EHD4: variants seen among roughly 807,000 people sequenced by gnomAD.
EHD4 encodes EH domain containing 4.
EHD4 carries 37 observed loss-of-function variants against 51.0 expected under a neutral mutation model. The ratio of observed to expected loss-of-function variants is 0.73; its 90% confidence interval spans 0.56 to 0.95. The LOEUF (loss-of-function observed/expected upper bound fraction) is 0.95. EHD4 is among the 40% of genes least tolerant of loss of function. EHD4 has a pLI of 0.00. For synonymous variants in EHD4, 297 were observed against 317.3 expected, an observed-to-expected ratio of 0.94 and a Z score of 0.68; for missense variants, 632 against 733.1, an observed-to-expected ratio of 0.86 and a Z score of 1.59.
chr15:41,924,346 C>A (rs1454526758), intron 3 of EHD4, among the ~76,000 whole-genome samples: 1 of 152,236 alleles, frequency 6.6e-6, no homozygotes, highest in African/African-American at 2.4e-5. Flanking sequence ...GGCTCCATCA[C>A]TTACTAATTC....
intron 4 of EHD4, among the ~76,000 whole-genome samples, chr15:41,918,767 C>T (rs929850722): frequency 6.6e-6 from 1 of 152,240 alleles, no homozygotes; most frequent in South Asian, 2.1e-4. Flanking sequence ...CTTTGGTGCA[C>T]GGGGACTAGC....
At chr15:41,916,095 C>T (rs563601184) in intron 4 of EHD4, among the ~76,000 whole-genome samples, 1 of 152,214 alleles carries the variant, frequency 6.6e-6, no homozygotes, top group Non-Finnish European at 1.5e-5. Flanking sequence ...CTCCACAACC[C>T]AACTCAGACT....
At chr15:41,935,920 A>C (rs969792239) in intron 3 of EHD4, among the ~76,000 whole-genome samples, 1 of 152,154 alleles carries the variant, frequency 6.6e-6, no homozygotes, top group Admixed American at 6.5e-5. Context: ...CTTTACTCAC[A>C]TCTCAGCTGG....
intron 3 of EHD4, among the ~76,000 whole-genome samples, chr15:41,932,458 G>A (rs1027236136): frequency 6.6e-5 from 10 of 152,176 alleles, no homozygotes; most frequent in African/African-American, 2.4e-4. Context: ...GCTTCAGAAA[G>A]GTGAAACGCT....
At chr15:41,928,799 G>C (rs781603982) in intron 3 of EHD4, 2 of 152,144 alleles carry the variant, frequency 1.3e-5, no homozygotes, top group Non-Finnish European at 2.9e-5. Flanking sequence ...CCCAATCAGC[G>C]GGAGCAATGG....
intron 5 of EHD4, 30 bp from the exon 6 acceptor site, chr15:41,901,211 A>T (rs574431521): frequency 1.1e-5 from 17 of 1,518,020 alleles, no homozygotes; most frequent in Non-Finnish European, 1.5e-5. Context: ...AGGATGGGTT[A>T]CATGTGGTCT....
intron 5 of EHD4, chr15:41,908,121 C>T (rs923324813): frequency 6.6e-6 from 1 of 152,142 alleles, no homozygotes; most frequent in Non-Finnish European, 1.5e-5. Flanking sequence ...CTGCATCCGC[C>T]TCCCAAAGTG....
At chr15:41,958,983 C>A (rs1668591) in intron 1 of EHD4, among the ~76,000 whole-genome samples, 1 of 152,146 alleles carries the variant, frequency 6.6e-6, no homozygotes, top group African/African-American at 2.4e-5. Context: ...TTTACAGGAA[C>A]GTGTCCTGTG....
At chr15:41,911,188 A>G (rs1368068259) in intron 4 of EHD4, among the ~76,000 whole-genome samples, 1 of 152,252 alleles carries the variant, frequency 6.6e-6, no homozygotes, top group Non-Finnish European at 1.5e-5. Flanking sequence ...GACAATGTCA[A>G]CTTCCCATCT....
At chr15:41,922,090 A>G (rs1002972344) in intron 3 of EHD4, among the ~76,000 whole-genome samples, 1 of 152,170 alleles carries the variant, frequency 6.6e-6, no homozygotes, top group African/African-American at 2.4e-5. Flanking sequence ...TTGGTTTGCT[A>G]TTGAAAGTGA....
chr15:41,958,576 GA>G (rs1332728582), intron 1 of EHD4, among the ~76,000 whole-genome samples: 2 of 151,246 alleles, frequency 1.3e-5, no homozygotes, highest in Non-Finnish European at 2.9e-5. Context: ...ACAAGGGGAA[GA>G]AAAAAAACTC....
chr15:41,953,838 T>A lies in EHD4; in HGVS notation c.339A>T (p.Pro113=). The A allele has an allele frequency of 6.2e-7, 1 of 1,614,046 alleles. No individual in the cohort carries two copies. The highest frequency in any genetic ancestry group is 2.2e-5 in the East Asian group (1 of 44,872). ...VMYGETEGST[P]GNALVVDPKK... ...TGGGGTCCACGACTAAAGCATTCCCTGGGGTGCTGCCCTCAGTCTCTCCAT... is the reference window on the plus strand; with the variant it reads ...TGGGGTCCACGACTAAAGCATTCCCAGGGGTGCTGCCCTCAGTCTCTCCAT... The change falls in exon 2 of 6, where the codon CCA becomes CCT. Residue 113 remains proline, a synonymous_variant. Coordinates refer to ENST00000220325, the MANE Select transcript of EHD4 (RefSeq NM_139265.4).
chr15:41,923,360 T>C (rs1172269832), intron 3 of EHD4, among the ~76,000 whole-genome samples: 1 of 152,196 alleles, frequency 6.6e-6, no homozygotes, highest in East Asian at 1.9e-4. Context: ...TCTTGTGTCA[T>C]GAAGGACTCA....
Position 41,972,340 on chromosome 15 carries a change from G to A in EHD4, c.155C>T (p.Ala52Val), listed in dbSNP as rs1189435757. The change falls in exon 1 of 6, where the codon GCG becomes GTG. Residue 52 changes from alanine to valine, a missense_variant. Transcript: ENST00000220325. ...GTTCTCGAAGTCGGCGTCCTCCAGC[G>A]CAGGCGAGTGGAACTCGTGGAAGCG... ...AYRFHEFHSP[A>V]LEDADFENKP... 4 of 1,611,264 alleles carry A rather than the reference G, an allele frequency of 2.5e-6. No individual in the cohort carries two copies. Among genetic ancestry groups the A allele is most frequent in the Non-Finnish European group, 3.4e-6 (4 of 1,178,838 alleles).
intron 5 of EHD4, among the ~76,000 whole-genome samples, chr15:41,907,481 T>C (rs749493939): frequency 2.0e-5 from 3 of 152,170 alleles, no homozygotes; most frequent in Non-Finnish European, 2.9e-5. Flanking sequence ...AATACCCATT[T>C]CACTGCTGGA....
intron 1 of EHD4, among the ~76,000 whole-genome samples, chr15:41,955,344 C>T (rs1242841215): frequency 6.6e-6 from 1 of 152,178 alleles, no homozygotes; most frequent in Non-Finnish European, 1.5e-5. Context: ...AGCATTCAGA[C>T]TCCAGAACTT....
Position 41,943,091 on chromosome 15 carries a change from C to T in EHD4, c.487G>A (p.Gly163Arg), listed in dbSNP as rs766603253. The T allele has an allele frequency of 1.9e-6, 3 of 1,584,990 alleles. No individual in the cohort carries two copies. The highest frequency in any genetic ancestry group is 2.7e-5 in the African/African-American group (2 of 74,640). ...CCTCGGCTGATGCGCTGCTTCTCCC[C>T]AGAAAGGATGCCGGGGCTGTCGATG... ...SVIDSPGILS[G>R]EKQRISRGYD... Residue 163 changes from glycine to arginine, a missense_variant, in exon 3 of 6, where the codon GGG becomes AGG. Gly to Arg is a moderately radical substitution (Grantham distance 125). Transcript: ENST00000220325.
At chr15:41,939,131 T>C (rs1410440561) in intron 3 of EHD4, among the ~76,000 whole-genome samples, 3 of 152,044 alleles carry the variant, frequency 2.0e-5, no homozygotes, top group Non-Finnish European at 4.4e-5. Context: ...TTCTGAAGAG[T>C]GAACCAACTC....
chr15:41,947,234 G>C (rs548853283), intron 2 of EHD4, among the ~76,000 whole-genome samples: 1 of 152,164 alleles, frequency 6.6e-6, no homozygotes, highest in South Asian at 2.1e-4. Flanking sequence ...TAAAACAAAG[G>C]GGTGACGTGC....
Sources: gnomAD v4.1 joint callset for allele counts (sites outside exome capture counted in the v4.1 genomes callset) on GRCh38, gnomAD v4.1.1 for gene constraint, MANE v1.5 for transcripts, NCBI Gene and HGNC (gene_info 2026-07-23, HGNC 2026-07-21) for gene names.